CFAP44: variants seen among roughly 807,000 people sequenced by gnomAD.
The protein encoded by CFAP44 is cilia- and flagella-associated protein 44.
CFAP44 carries 134 observed loss-of-function variants against 216.2 expected under a neutral mutation model. The observed-to-expected ratio is 0.62, with a 90% CI of 0.54 to 0.72. The LOEUF is 0.72. CFAP44 is among the 30% of genes least tolerant of loss of function. The pLI is 0.00. For synonymous variants in CFAP44, 700 were observed against 727.6 expected, an observed-to-expected ratio of 0.96 and a Z score of 0.61; for missense variants, 2,035 against 2,182.1, an observed-to-expected ratio of 0.93 and a Z score of 1.34.
intron 21 of CFAP44, chr3:113,360,305 G>A (rs1167812516): frequency 4.8e-6 from 1 of 208,378 alleles, no homozygotes; most frequent in Non-Finnish European, 1.0e-5. Context: ...CCTTATTATT[G>A]TAGAAACATG....
chr3:113,310,711 T>G (rs1950029344), intron 28 of CFAP44, among the ~76,000 whole-genome samples: 1 of 148,226 alleles, frequency 6.7e-6, no homozygotes, highest in Non-Finnish European at 1.5e-5. Flanking sequence ...GATTGGATCA[T>G]CAGGGAGGAA....
chr3:113,358,626 C>A (rs1950512378), intron 22 of CFAP44, 119 bp downstream of exon 22: 2 of 1,279,146 alleles, frequency 1.6e-6, no homozygotes, highest in Non-Finnish European at 2.0e-6. Context: ...CTTGAGATTT[C>A]AAGTCAGTGG....
At chr3:113,395,559 A>T (rs1161804696) in intron 15 of CFAP44, among the ~76,000 whole-genome samples, 191 bp downstream of exon 15, 1 of 152,192 alleles carries the variant, frequency 6.6e-6, no homozygotes, top group African/African-American at 2.4e-5. Flanking sequence ...AGGAGAGAGC[A>T]AGGCTCCTGA....
chr3:113,374,363 TTTTATTTATTTATTTA>T (rs148186633), intron 17 of CFAP44, among the ~76,000 whole-genome samples: 3 of 146,674 alleles, frequency 2.0e-5, no homozygotes, highest in African/African-American at 5.0e-5. Context: ...TGTCAATTTC[TTTTATTTATTTATTTA>T]TTTATTTATT....
rs866539207 is a variant in CFAP44 at position 113,411,363 on chromosome 3, T to C, written c.674-2041A>G. Among the ~76,000 whole-genome samples, 67 of 152,296 alleles carry C rather than the reference T, an allele frequency of 4.4e-4. No homozygotes were observed. In the Middle Eastern group the frequency reaches 0.014, roughly 31 times the overall value. On this transcript the variant is annotated intron_variant, in intron 6 of 34. Transcript: ENST00000393845. ...GGATCCAGTTTCAGCTTTCTACATA[T>C]GGCTAGCCAGTTTTCCCAGCACCAT...
chr3:113,430,114 A>G (rs1483776529), intron 2 of CFAP44, among the ~76,000 whole-genome samples: 1 of 152,156 alleles, frequency 6.6e-6, no homozygotes, highest in Non-Finnish European at 1.5e-5. Flanking sequence ...GAAATCATAT[A>G]GAATAGATAT....
chr3:113,406,557 G>A (rs1258807501), intron 8 of CFAP44, among the ~76,000 whole-genome samples: 1 of 151,786 alleles, frequency 6.6e-6, no homozygotes, highest in African/African-American at 2.4e-5. Context: ...CCGGGAGGCA[G>A]AGCTTGCAGT....
At chr3:113,425,114 A>T (rs1424080878) in intron 4 of CFAP44, among the ~76,000 whole-genome samples, 1 of 152,260 alleles carries the variant, frequency 6.6e-6, no homozygotes, top group Non-Finnish European at 1.5e-5. Context: ...GATAAGGAAA[A>T]AAAAAGCCAT....
intron 15 of CFAP44, among the ~76,000 whole-genome samples, chr3:113,388,327 A>G (rs1933705902): frequency 6.6e-6 from 1 of 152,354 alleles, no homozygotes; most frequent in Non-Finnish European, 1.5e-5. Flanking sequence ...TTAAGTTGTC[A>G]TCAGTTAAAA....
At chr3:113,319,608 C>A (rs1198579103) in intron 28 of CFAP44, among the ~76,000 whole-genome samples, 1 of 152,182 alleles carries the variant, frequency 6.6e-6, no homozygotes, top group Non-Finnish European at 1.5e-5. Flanking sequence ...CTACAGAACA[C>A]TCAATCCAAC....
At chr3:113,326,793 C>T (rs372702295) in intron 27 of CFAP44, among the ~76,000 whole-genome samples, 153 bp from the exon 28 acceptor site, 1 of 152,170 alleles carries the variant, frequency 6.6e-6, no homozygotes, top group African/African-American at 2.4e-5. Context: ...CAGAGCCATC[C>T]ATTTATTGGT....
intron 18 of CFAP44, among the ~76,000 whole-genome samples, chr3:113,370,443 C>T (rs190361407): frequency 3.9e-4 from 60 of 152,252 alleles, no homozygotes; most frequent in Admixed American, 9.2e-4. Context: ...AATCAATAAA[C>T]GTAATCCATC....
At chr3:113,408,991 T>C (rs1576595269) in intron 7 of CFAP44, 115 bp downstream of exon 7, 2 of 692,836 alleles carry the variant, frequency 2.9e-6, no homozygotes, top group Non-Finnish European at 4.5e-6. Context: ...ATAATTCTAA[T>C]GTTAACCAAA....
intron 7 of CFAP44, among the ~76,000 whole-genome samples, chr3:113,407,395 C>T (rs1934317647): frequency 6.6e-6 from 1 of 152,140 alleles, no homozygotes; most frequent in Non-Finnish European, 1.5e-5. Context: ...GTCACACTAG[C>T]CAATTTCAAG....
At chr3:113,405,462 T>C (rs1934251067) in intron 8 of CFAP44, among the ~76,000 whole-genome samples, 1 of 152,232 alleles carries the variant, frequency 6.6e-6, no homozygotes, top group Non-Finnish European at 1.5e-5. Context: ...ACTCCAGATT[T>C]CCCTTCTAAT....
intron 28 of CFAP44, among the ~76,000 whole-genome samples, chr3:113,325,127 C>T (rs1317166085): frequency 6.6e-6 from 1 of 151,724 alleles, no homozygotes; most frequent in Non-Finnish European, 1.5e-5. Flanking sequence ...CACAGTGAAA[C>T]CCTGTCTCTA....
chr3:113,421,966 G>A (rs1387089327), intron 4 of CFAP44, among the ~76,000 whole-genome samples: 1 of 152,042 alleles, frequency 6.6e-6, no homozygotes, highest in Non-Finnish European at 1.5e-5. Context: ...AAACCTGCAT[G>A]TGTACCCTCT....
chr3:113,399,583 A>C (rs2107358540), intron 13 of CFAP44, among the ~76,000 whole-genome samples: 1 of 152,246 alleles, frequency 6.6e-6, no homozygotes, highest in East Asian at 1.9e-4. Context: ...CATTGTCGGC[A>C]CTCTGTAAAT....
chr3:113,404,127 A>C (rs914030431), intron 8 of CFAP44, 111 bp from the exon 9 acceptor site: 1 of 1,240,500 alleles, frequency 8.1e-7, no homozygotes, highest in Non-Finnish European at 1.1e-6. Flanking sequence ...ATTGATTATA[A>C]AATTTTTAAA....
Sources: allele counts gnomAD v4.1 joint callset (sites outside exome capture counted in the v4.1 genomes callset), GRCh38; gene constraint gnomAD v4.1.1; transcripts MANE v1.5; gene names NCBI Gene and HGNC (gene_info 2026-07-23, HGNC 2026-07-21).